The following ZNF74 variants were observed in gnomAD, a reference collection of about 807,000 sequenced individuals.
The protein encoded by ZNF74 is zinc finger protein 74, also known as zinc finger protein 520.
A neutral mutation model predicts 17.7 loss-of-function variants in ZNF74; 12 were observed. The observed-to-expected ratio is 0.68, with a 90% CI of 0.43 to 1.10. ZNF74 has a LOEUF of 1.10. Ranked by LOEUF, ZNF74 falls within the 50% of genes least tolerant of loss-of-function variation. The pLI, the probability that ZNF74 is intolerant of heterozygous loss-of-function variation, is 0.00. For missense variants in ZNF74, 811 were observed against 881.0 expected, an observed-to-expected ratio of 0.92 and a Z score of 1.01; for synonymous variants, 358 against 362.1, an observed-to-expected ratio of 0.99 and a Z score of 0.13.
Position 20,406,297 on chromosome 22 carries a change from G to A in ZNF74, c.1264G>A (p.Glu422Lys), listed in dbSNP as rs1270244579. The change falls in exon 5 of 5, where the codon GAG becomes AAG. Residue 422 changes from glutamate to lysine, a missense_variant. Glu to Lys is a moderately conservative substitution (Grantham distance 56). Around this residue, in one of 3 missense-constraint regions of ZNF74, gnomAD observed 666 missense variants for 702.3 expected, o/e 0.95. Transcript: ENST00000400451. The part of the protein sequence containing the change: ...GDKPFKCSDC[E>K]KAFNSRSRLT... ...CAAGCCGTTCAAGTGCAGCGACTGC[G>A]AGAAGGCCTTCAACAGCCGCTCGCG... 3.7e-6 allele frequency: 6 copies of A among 1,611,938 alleles called. No individual in the cohort carries two copies. The highest frequency in any genetic ancestry group is 1.7e-5 in the Admixed American group (1 of 59,996).
At chr22:20,399,582 T>TG in intron 2 of ZNF74, 1 of 415,240 alleles carries the variant, frequency 2.4e-6, no homozygotes. Flanking sequence ...TTTTTTTTTT[T>TG]TTCTTTTGAC....
At position 20,406,804 on chromosome 22, in the gene ZNF74, C is replaced by T. The variant is rs996147542; in HGVS notation, c.1771C>T (p.His591Tyr). The change falls in exon 5 of 5, where the codon CAC becomes TAC. Residue 591 changes from histidine (H) to tyrosine (Y), a missense_variant. Around this residue, in one of 3 missense-constraint regions of ZNF74, gnomAD observed 115 missense variants for 119.5 expected, o/e 0.96. Transcript: ENST00000400451. Reference protein sequence around the residue: ...GKPLAIQFNKHLLSTYYVPGS... With the variant: ...GKPLAIQFNKYLLSTYYVPGS... The stretch of plus-strand genomic sequence containing the variant: ...GCCCTTGGCCATCCAGTTCAACAAA[C>T]ACCTGCTCAGCACATACTACGTGCC... 5 of 1,614,008 alleles carry T rather than the reference C, an allele frequency of 3.1e-6. No homozygotes were observed. The highest frequency in any genetic ancestry group is 3.3e-5 in the Admixed American group (2 of 60,014).
intron 1 of ZNF74, 170 bp downstream of exon 1, chr22:20,394,832 C>G (rs1197164730): frequency 1.6e-6 from 1 of 628,368 alleles, no homozygotes; most frequent in African/African-American, 1.9e-5. Context: ...TTGATCTCCG[C>G]TCACTGCAAC....
At chr22:20,397,276 G>A (rs985207654) in intron 2 of ZNF74, among the ~76,000 whole-genome samples, 3 of 151,910 alleles carry the variant, frequency 2.0e-5, no homozygotes, top group Admixed American at 6.6e-5. Flanking sequence ...TCCTTCCCTC[G>A]GCTATCGTCA....
rs1328895900 is a variant in ZNF74 at position 20,405,945 on chromosome 22, C to T, written c.912C>T (p.Phe304=). The T allele has an allele frequency of 2.5e-6, 4 of 1,613,912 alleles. No individual in the cohort carries two copies. Among genetic ancestry groups the T allele is most frequent in the Non-Finnish European group, 3.4e-6 (4 of 1,179,950 alleles). Residue 304 remains phenylalanine (F), a synonymous_variant, in exon 5 of 5, where the codon TTC becomes TTT. Coordinates refer to ENST00000400451, the MANE Select transcript of ZNF74 (RefSeq NM_003426.4). ...GCATCCACACCGGCGAGAAGCCCTTCTTCTGCGGCGAGTGCGGGAAGGCCT... is the reference window on the plus strand; with the variant it reads ...GCATCCACACCGGCGAGAAGCCCTTTTTCTGCGGCGAGTGCGGGAAGGCCT... ...HRRIHTGEKP[F]FCGECGKAFS...
rs1042392309 is a variant in ZNF74, at chr22:20,407,040, C to T, written c.*72C>T. 6.7e-7 allele frequency: 1 copy of T among 1,494,810 alleles called. No homozygotes were observed. The highest frequency in any genetic ancestry group is 1.4e-5 in the South Asian group (1 of 73,534). The allele number at this position is 1,494,810 out of a possible 1,614,324, so 92.6% of individuals were successfully genotyped here. ...AGGAAAGCACCCTGGTCCTCCCTGG[C>T]TCCTAGATCCAGACCACCTTCCTCC... is the stretch of plus-strand genomic sequence containing the variant. On this transcript the variant is annotated 3_prime_UTR_variant, in exon 5 of 5. Coordinates refer to ENST00000400451, the MANE Select transcript of ZNF74 (RefSeq NM_003426.4).
Position 20,405,825 on chromosome 22 carries a change from G to A in ZNF74, c.792G>A (p.Thr264=). The A allele has an allele frequency of 1.2e-6, 2 of 1,612,636 alleles. No homozygotes were observed. Among genetic ancestry groups the A allele is most frequent in the Non-Finnish European group, 1.7e-6 (2 of 1,179,680 alleles). Residue 264 remains threonine (T), a synonymous_variant, in exon 5 of 5, where the codon ACG becomes ACA. Transcript: ENST00000400451. ...GKAFRQSSSL[T]LHRRWHSREK... is the part of the protein sequence containing the mutation. The stretch of plus-strand genomic sequence containing the variant: ...CGTTCCGCCAGAGCTCCTCCCTCAC[G>A]CTGCACCGGCGCTGGCACAGCCGGG...
chr22:20,404,494 A>G (rs2052391061), intron 4 of ZNF74, among the ~76,000 whole-genome samples: 1 of 151,900 alleles, frequency 6.6e-6, no homozygotes, highest in East Asian at 1.9e-4. Context: ...TTCCTGGCTA[A>G]TTTTGTATTT....
At chr22:20,394,762 T>A in intron 1 of ZNF74, 100 bp downstream of exon 1, 1 of 298,940 alleles carries the variant, frequency 3.3e-6, no homozygotes, top group Non-Finnish European at 4.6e-6. Flanking sequence ...ATCCAGCATC[T>A]TTTTTTTTTT....
At position 20,405,610 on chromosome 22, in the gene ZNF74, G is replaced by A. The variant is rs1235199053; in HGVS notation, c.577G>A (p.Glu193Lys). 1.2e-6 allele frequency: 2 copies of A among 1,613,252 alleles called. No homozygotes were observed. The highest frequency in any genetic ancestry group is 1.7e-6 in the Non-Finnish European group (2 of 1,179,646). Residue 193 changes from glutamate (E) to lysine (K), a missense_variant, in exon 5 of 5, where the codon GAG (glutamate) becomes AAG (lysine). Glu to Lys is a moderately conservative substitution (Grantham distance 56). This residue lies in a region of ZNF74 where 666 missense variants were observed against 702.3 expected (regional missense o/e 0.95). Coordinates refer to ENST00000400451, the MANE Select transcript of ZNF74 (RefSeq NM_003426.4). ...CCTCTTCGCCCAGCAACGCGTTCCC[G>A]AGGGGGGACCCTTGCTGGACACACG... ...CPLFAQQRVP[E>K]GGPLLDTRKN...
rs759724727 is a variant in ZNF74, at chr22:20,401,267, C to G, written c.248-10C>G. 9 of 1,601,840 alleles carry G rather than the reference C, an allele frequency of 5.6e-6. No individual in the cohort carries two copies. The highest frequency in any genetic ancestry group is 7.7e-6 in the Non-Finnish European group (9 of 1,172,112). On this transcript the variant is annotated splice_polypyrimidine_tract_variant and intron_variant, in intron 3 of 4. Transcript: ENST00000400451. The surrounding 1 kb of genome is among the most constrained non-coding windows in gnomAD (Gnocchi z 4.2). ...GCAGCATGCCCAGCCCACTTTCTCT[C>G]CACGAGCAGGACCTCCACTGCACAA...
At chr22:20,402,489 T>C (rs952352306) in intron 4 of ZNF74, among the ~76,000 whole-genome samples, 19 of 146,844 alleles carry the variant, frequency 1.3e-4, no homozygotes, top group African/African-American at 4.1e-4. Flanking sequence ...GCCCTTCCTC[T>C]GTGTGCGGAT....
intron 2 of ZNF74, among the ~76,000 whole-genome samples, chr22:20,398,910 GATGTATTCTTCAGCC>G (rs362165): frequency 0.65 from 98,899 of 151,810 alleles, 33,275 homozygotes; most frequent in East Asian, 0.94. Context: ...TTTCCCTAGT[GATGTATTCTTCAGCC>G]ATATGTTATT....
At chr22:20,402,101 G>A (rs1043007141) in intron 4 of ZNF74, among the ~76,000 whole-genome samples, 2 of 152,220 alleles carry the variant, frequency 1.3e-5, no homozygotes, top group Non-Finnish European at 2.9e-5. Context: ...GACAGTGACT[G>A]CTGAGCATGT....
rs1324799018 is a variant in ZNF74, at chr22:20,395,425, G to A, written c.120+7G>A. 6.3e-7 allele frequency: 1 copy of A among 1,594,342 alleles called. No individual in the cohort carries two copies. On this transcript the variant is annotated splice_region_variant and intron_variant, in intron 2 of 4. Transcript: ENST00000400451. ...TCCCGAAGCCAGGTCCAAGGTGAGT[G>A]GCTGTGTGTTCTTCCTTCTTTATGA... is the stretch of plus-strand genomic sequence containing the variant.
rs942695301 is a variant in ZNF74 at position 20,401,671 on chromosome 22, G to T, written c.343+299G>T. 7.2e-5 allele frequency among the ~76,000 whole-genome samples: 11 copies of T among 152,270 alleles called. No homozygotes were observed. The South Asian group carries it at 2.1e-3, about 29-fold the overall frequency. On this transcript the variant is annotated intron_variant, in intron 4 of 4. Coordinates refer to ENST00000400451, the MANE Select transcript of ZNF74 (RefSeq NM_003426.4). This position sits in a 1 kb window ranked among gnomAD's most constrained non-coding sequence, Gnocchi z 4.2. ...CCATTGGTGTTGGCTGGGCAGCCGG[G>T]GGTGTGGGATTGGGGGCAGGGGGCC...
At position 20,406,575 on chromosome 22, in the gene ZNF74, C is replaced by A; in HGVS notation, c.1542C>A (p.Ser514=). The A allele has an allele frequency of 6.2e-7, 1 of 1,614,156 alleles. No homozygotes were observed. The highest frequency in any genetic ancestry group is 8.5e-7 in the Non-Finnish European group (1 of 1,180,022). Residue 514 remains serine (S), a synonymous_variant, in exon 5 of 5, where the codon TCC becomes TCA. Coordinates refer to ENST00000400451, the MANE Select transcript of ZNF74 (RefSeq NM_003426.4). Reference sequence around the variant, plus strand: ...GGAAGGCCTTCAGCTGCCACTCGTCCCTCATCGTGCACCAGCGCATCCACA... The same window carrying A: ...GGAAGGCCTTCAGCTGCCACTCGTCACTCATCGTGCACCAGCGCATCCACA... ...QCWKAFSCHS[S]LIVHQRIHTG... is the part of the protein sequence containing the mutation.
intron 4 of ZNF74, among the ~76,000 whole-genome samples, chr22:20,404,441 C>T (rs141707686): frequency 0.044 from 6,706 of 152,190 alleles, 209 homozygotes; most frequent in Middle Eastern, 0.13. Context: ...GATCCTCCCA[C>T]CTCAGCCTCC....
In ZNF74 at chr22:20,405,772, G is replaced by A. The variant is rs765717517; in HGVS notation, c.739G>A (p.Glu247Lys). The A allele has an allele frequency of 1.1e-5, 17 of 1,609,006 alleles. No homozygotes were observed. The highest frequency in any genetic ancestry group is 1.4e-5 in the Non-Finnish European group (16 of 1,178,204). ...GCGCGGGGCGGGCGCCGGGGAGGGC[G>A]AGTTCGTGTGCGGCGAGTGCGGGAA... is the stretch of plus-strand genomic sequence containing the variant. ...RQRGAGAGEG[E>K]FVCGECGKAF... The change falls in exon 5 of 5, where the codon GAG becomes AAG. Residue 247 changes from glutamate (E) to lysine (K), a missense_variant. Coordinates refer to ENST00000400451, the MANE Select transcript of ZNF74 (RefSeq NM_003426.4).
Sources: allele counts gnomAD v4.1 joint callset (sites outside exome capture counted in the v4.1 genomes callset), GRCh38; gene constraint gnomAD v4.1.1; regional missense constraint gnomAD v4.1.1; non-coding constraint Gnocchi (gnomAD v3.1); transcripts MANE v1.5; gene names NCBI Gene and HGNC (gene_info 2026-07-23, HGNC 2026-07-21).